WWC1: variants seen among roughly 807,000 people sequenced by gnomAD.
The protein encoded by WWC1 is protein KIBRA.
Under a neutral mutation model 138.4 loss-of-function variants are expected in WWC1, and 55 were observed. The ratio of observed to expected loss-of-function variants is 0.40; its 90% confidence interval spans 0.32 to 0.50. The LOEUF is 0.50. Among genes scored for constraint, WWC1 ranks in the 20% least tolerant of loss-of-function variants. The pLI is 0.72. For missense variants in WWC1, 1,226 were observed against 1,420.4 expected (o/e 0.86, Z 2.20); for synonymous variants, 524 against 564.9 (o/e 0.93, Z 1.03).
In WWC1 at chr5:168,410,931, C is replaced by CTTTTT. The variant is rs1354123052; in HGVS notation, c.941+953_941+957dup. ...TCTGTCTTTAAGTTCATGATCTTTG[C>CTTTTT]TTTTTTTTTTTTTTTTTTTTTGAGA... On this transcript the variant is annotated intron_variant, in intron 8 of 22. Coordinates refer to ENST00000265293, the MANE Select transcript of WWC1 (RefSeq NM_015238.3). 2.7e-4 allele frequency among the ~76,000 whole-genome samples: 31 copies of CTTTTT among 114,466 alleles called. 1 individual carries two copies. The highest frequency in any genetic ancestry group is 4.1e-4 in the Non-Finnish European group (23 of 56,536). The allele number at this position is 114,466 out of a possible 152,430, so 75.1% of individuals were successfully genotyped here. A position where few individuals can be genotyped will look rare whatever the true frequency, so the allele number is the denominator to read the frequency against.
intron 9 of WWC1, among the ~76,000 whole-genome samples, chr5:168,417,406 A>C (rs1000231193): frequency 2.0e-5 from 3 of 152,080 alleles, no homozygotes; most frequent in Admixed American, 1.3e-4. Flanking sequence ...GATATACCAC[A>C]TGTAAAAGCT....
Position 168,345,621 on chromosome 5 carries a change from A to G in WWC1, c.120-25803A>G, listed in dbSNP as rs1015236811. ...ACTTGCATTGCTTTGTCAGATGCTAAGACATCCAGCAGACCCATAAAGATG... is the reference window on the plus strand; with the variant it reads ...ACTTGCATTGCTTTGTCAGATGCTAGGACATCCAGCAGACCCATAAAGATG... On this transcript the variant is annotated intron_variant, in intron 1 of 22. Coordinates refer to ENST00000265293, the MANE Select transcript of WWC1 (RefSeq NM_015238.3). Among the ~76,000 whole-genome samples the G allele has an allele frequency of 7.9e-5, 12 of 152,252 alleles. 1 individual carries two copies. Among genetic ancestry groups the G allele is most frequent in the Admixed American group, 7.2e-4 (11 of 15,286 alleles).
chr5:168,320,067 C>G (rs1340415184), intron 1 of WWC1, among the ~76,000 whole-genome samples: 1 of 144,118 alleles, frequency 6.9e-6, no homozygotes, highest in Non-Finnish European at 1.5e-5. Flanking sequence ...AGTTTTCTTG[C>G]TCTGTTGCCC....
Position 168,313,949 on chromosome 5 carries a change from A to G in WWC1, c.119+21678A>G, listed in dbSNP as rs77932860. Among the ~76,000 whole-genome samples, 593 of 152,346 alleles carry G rather than the reference A, an allele frequency of 3.9e-3. 3 individuals are homozygous for G. Among genetic ancestry groups the G allele is most frequent in the African/African-American group, 0.014 (568 of 41,588 alleles). On this transcript the variant is annotated intron_variant, in intron 1 of 22. Coordinates refer to ENST00000265293, the MANE Select transcript of WWC1 (RefSeq NM_015238.3). ...TCAATTGATAGGGGTTCACACCTGC[A>G]GAGAAAATGCAAGGTCCTGAGGTCT...
At chr5:168,339,699 G>T (rs936096904) in intron 1 of WWC1, among the ~76,000 whole-genome samples, 1 of 152,190 alleles carries the variant, frequency 6.6e-6, no homozygotes, top group African/African-American at 2.4e-5. Flanking sequence ...AAGGTGTAAT[G>T]AGTATTCAGT....
Position 168,414,651 on chromosome 5 carries a change from C to G in WWC1, c.1184+61C>G, listed in dbSNP as rs1030930442. 2.6e-5 allele frequency: 38 copies of G among 1,482,958 alleles called. No homozygotes were observed. In the African/African-American group the frequency reaches 5.2e-4, roughly 20 times the overall value. 91.9% of individuals were successfully genotyped at this position (1,482,958 alleles called of 1,614,324 possible). On this transcript the variant is annotated intron_variant, in intron 9 of 22. Coordinates refer to ENST00000265293, the MANE Select transcript of WWC1 (RefSeq NM_015238.3). ...TCTCACTGGCAGTCTGTCCTCAGCC[C>G]CCAGATGGGGGAAGAATGAGGGGGC...
At chr5:168,406,787 A>T (rs1779829699) in intron 6 of WWC1, among the ~76,000 whole-genome samples, 4 of 152,068 alleles carry the variant, frequency 2.6e-5, no homozygotes, top group Admixed American at 2.6e-4. Flanking sequence ...TAAAAAATAC[A>T]AAAAATAAGC....
chr5:168,361,513 G>A (rs770326382), intron 1 of WWC1, among the ~76,000 whole-genome samples: 2 of 152,158 alleles, frequency 1.3e-5, no homozygotes, highest in Non-Finnish European at 2.9e-5. Flanking sequence ...GTTAGCCTGG[G>A]AAAATGCTAT....
rs1170923319 is a variant in WWC1, at chr5:168,292,143, G to T, written c.-10G>T. 1 of 1,537,124 alleles carries T rather than the reference G, an allele frequency of 6.5e-7. No individual in the cohort carries two copies. The highest frequency in any genetic ancestry group is 2.5e-5 in the East Asian group (1 of 39,382). On this transcript the variant is annotated 5_prime_UTR_variant, in exon 1 of 23. Coordinates refer to ENST00000265293, the MANE Select transcript of WWC1 (RefSeq NM_015238.3). This position sits in a 1 kb window ranked among gnomAD's most constrained non-coding sequence, Gnocchi z 4.4. ...AGCTGCATGGGGGAGCGCCGGCAGC[G>T]CTTGGGAAGATGCCCCGGCCGGAGC...
chr5:168,387,157 T>C (rs116329539), intron 3 of WWC1, among the ~76,000 whole-genome samples: 3,672 of 152,210 alleles, frequency 0.024, 140 homozygotes, highest in African/African-American at 0.083. Flanking sequence ...TGAGAGATAG[T>C]GGTAACTTGC....
chr5:168,404,144 A>C (rs1293982707), intron 5 of WWC1, among the ~76,000 whole-genome samples: 1 of 152,162 alleles, frequency 6.6e-6, no homozygotes, highest in East Asian at 1.9e-4. Flanking sequence ...AAGGGATTCG[A>C]AGCCCTTCTT....
chr5:168,389,708 G>A (rs540913255), intron 3 of WWC1, among the ~76,000 whole-genome samples: 11 of 150,918 alleles, frequency 7.3e-5, no homozygotes, highest in East Asian at 3.9e-4. Flanking sequence ...GAACCAGTTG[G>A]GCAGAAATGT....
intron 1 of WWC1, among the ~76,000 whole-genome samples, chr5:168,319,944 A>G (rs367925918): frequency 6.6e-6 from 1 of 152,074 alleles, no homozygotes; most frequent in Non-Finnish European, 1.5e-5. Context: ...TTTTAATAGT[A>G]GCCAACCTAA....
chr5:168,401,747 A>C (rs57847392), intron 5 of WWC1, among the ~76,000 whole-genome samples: 8,043 of 152,272 alleles, frequency 0.053, 684 homozygotes, highest in African/African-American at 0.18. Flanking sequence ...GTGTGTATAC[A>C]TATACCAATC....
intron 20 of WWC1, among the ~76,000 whole-genome samples, chr5:168,461,706 T>C (rs1756828182): frequency 6.6e-6 from 1 of 152,150 alleles, no homozygotes; most frequent in South Asian, 2.1e-4. Flanking sequence ...AACACAACTT[T>C]AAAGCAGTTC....
chr5:168,317,270 C>G (rs949864742), intron 1 of WWC1, among the ~76,000 whole-genome samples: 7 of 152,214 alleles, frequency 4.6e-5, no homozygotes, highest in Admixed American at 1.3e-4. Context: ...ACATCACTCA[C>G]CCTCCTTGAG....
At chr5:168,468,270 G>C (rs559720450) in intron 22 of WWC1, among the ~76,000 whole-genome samples, 2 of 152,318 alleles carry the variant, frequency 1.3e-5, no homozygotes, top group African/African-American at 4.8e-5. Flanking sequence ...TGGAGGGTTG[G>C]CTGAATGATA....
Position 168,409,791 on chromosome 5 carries a change from C to A in WWC1, c.868-131C>A, listed in dbSNP as rs866719214. ...CCAGCTTCCCTGCGATCTGCACCGC[C>A]AGCCCAGTCACCGGGGGCTATTCTT... On this transcript the variant is annotated intron_variant, in intron 7 of 22. Transcript: ENST00000265293. 3.0e-5 allele frequency: 26 copies of A among 879,140 alleles called. No individual in the cohort carries two copies. In the African/African-American group the frequency reaches 4.0e-4, roughly 13 times the overall value. 54.5% of individuals were successfully genotyped at this position (879,140 alleles called of 1,614,324 possible).
At chr5:168,468,339 T>C (rs760207971) in intron 22 of WWC1, among the ~76,000 whole-genome samples, 1 of 152,084 alleles carries the variant, frequency 6.6e-6, no homozygotes, top group Non-Finnish European at 1.5e-5. Context: ...TGCCACCTGC[T>C]AGGATCTCAG....
Sources: allele counts gnomAD v4.1 joint callset (sites outside exome capture counted in the v4.1 genomes callset), GRCh38; gene constraint gnomAD v4.1.1; non-coding constraint Gnocchi (gnomAD v3.1); transcripts MANE v1.5; gene names NCBI Gene and HGNC (gene_info 2026-07-23, HGNC 2026-07-21).